Variants in TTC34 observed in about 807,000 individuals in gnomAD.
The protein encoded by TTC34 is tetratricopeptide repeat domain 34, also known as tetratricopeptide repeat protein 34.
A neutral mutation model predicts 40.7 loss-of-function variants in TTC34; 44 were observed. That is an observed-to-expected ratio of 1.08 (90% confidence interval 0.85 to 1.39). The LOEUF is 1.39. Among genes scored for constraint, TTC34 ranks in the 40% most tolerant of loss-of-function variants. The probability of loss-of-function intolerance (pLI) is 0.00; values close to 1 mark genes in which losing one functional copy is unlikely to be tolerated. For synonymous variants in TTC34, 422 were observed against 398.6 expected, an observed-to-expected ratio of 1.06 and a Z score of -0.70; for missense variants, 884 against 838.0, an observed-to-expected ratio of 1.05 and a Z score of -0.68.
At chr1:2,640,964 G>A (rs887040428) in exon 9 of TTC34, 4 of 161,676 alleles carry the variant, frequency 2.5e-5, no homozygotes, top group African/African-American at 1.0e-4. Flanking sequence ...CAAGGCAGAG[G>A]TGTGAGGCTG....
At chr1:2,687,513 G>T (rs1369346993) in intron 6 of TTC34, among the ~76,000 whole-genome samples, 1 of 134,400 alleles carries the variant, frequency 7.4e-6, no homozygotes, top group Admixed American at 7.4e-5. Context: ...ACATCCTTGA[G>T]CAGCACCCAC....
At chr1:2,644,502 G>T in intron 7 of TTC34, 24 bp from the exon 8 acceptor site, 1 of 1,526,724 alleles carries the variant, frequency 6.5e-7, no homozygotes, top group South Asian at 1.2e-5. Context: ...AGGAGGGACA[G>T]TCAGTGTGTG....
intron 6 of TTC34, among the ~76,000 whole-genome samples, chr1:2,747,998 A>AC (rs1641207267): frequency 1.9e-4 from 9 of 46,592 alleles, no homozygotes; most frequent in African/African-American, 4.1e-4. Context: ...CAGCACCCAC[A>AC]CCCCAGGTGA....
intron 6 of TTC34, among the ~76,000 whole-genome samples, chr1:2,681,993 T>C (rs1171198296): frequency 1.1e-4 from 12 of 111,590 alleles, no homozygotes; most frequent in Admixed American, 5.2e-4. Context: ...CACCCCCAGG[T>C]GAGCATCAGA....
At chr1:2,798,272 T>C (rs975986737) in intron 2 of TTC34, among the ~76,000 whole-genome samples, 2 of 37,070 alleles carry the variant, frequency 5.4e-5, no homozygotes, top group African/African-American at 1.0e-4. Context: ...CCCCCCAGCC[T>C]CCCAGCCTCC....
At position 2,776,185 on chromosome 1, in the gene TTC34, G is replaced by T. The variant is rs1413490396; in HGVS notation, c.2226+7424C>A. ...CACAACTGCAGGTGAGCATCTGATA[G>T]CCTGGATAGGCACTCCACACAGCCA... On this transcript the variant is annotated intron_variant, in intron 6 of 8. Coordinates refer to ENST00000401095, the Ensembl canonical transcript of TTC34. The T allele has an allele frequency of 4.9e-5, 6 of 123,410 alleles. No homozygotes were observed. In the East Asian group the frequency reaches 1.4e-3, roughly 30 times the overall value. 7.6% of individuals were successfully genotyped at this position (123,410 alleles called of 1,614,324 possible). A position where few individuals can be genotyped will look rare whatever the true frequency, so the allele number is the denominator to read the frequency against.
chr1:2,646,985 A>G (rs376464322), intron 6 of TTC34, among the ~76,000 whole-genome samples: 3 of 151,952 alleles, frequency 2.0e-5, no homozygotes, highest in African/African-American at 4.8e-5. Context: ...GTGCTGTCCC[A>G]TTGTCTTCTG....
At chr1:2,798,026 AAGCCTCCCAGTCTCTCAGCCTCCC>A (rs886981957) in intron 2 of TTC34, among the ~76,000 whole-genome samples, 3 of 148,594 alleles carry the variant, frequency 2.0e-5, no homozygotes, top group Admixed American at 2.0e-4. Context: ...CCCAGCATCC[AAGCCTCCCAGTCTCTCAGCCTCCC>A]AGCCTCCCAG....
chr1:2,644,997 C>T (rs1638989642), intron 7 of TTC34, among the ~76,000 whole-genome samples: 1 of 152,136 alleles, frequency 6.6e-6, no homozygotes, highest in Non-Finnish European at 1.5e-5. Context: ...ACTGGAGGTG[C>T]ATGGATGAAT....
At chr1:2,695,039 G>GGTGAGCATCTGACA in intron 6 of TTC34, among the ~76,000 whole-genome samples, 1 of 143,998 alleles carries the variant, frequency 6.9e-6, no homozygotes, top group Non-Finnish European at 1.6e-5. Context: ...TGCACCCCCA[G>GGTGAGCATCTGACA]GTGAGCATCT....
chr1:2,651,583 G>C (rs930620514), intron 6 of TTC34, among the ~76,000 whole-genome samples: 6 of 151,562 alleles, frequency 4.0e-5, no homozygotes, highest in African/African-American at 1.5e-4. Context: ...TGAGAGCCTG[G>C]AACAGCACCC....
In TTC34 at chr1:2,781,668, T is replaced by C. The variant is rs149433064; in HGVS notation, c.2226+1941A>G. ...ATGTTTGCTGTGGGTTTTTCATATA[T>C]GGATTTTATATTGAGGCAGTTTCCT... On this transcript the variant is annotated intron_variant, in intron 6 of 8. Coordinates refer to ENST00000401095, the Ensembl canonical transcript of TTC34. Among the ~76,000 whole-genome samples, 1,444 of 152,324 alleles carry C rather than the reference T, an allele frequency of 9.5e-3. 27 individuals carry two copies. The highest frequency in any genetic ancestry group is 0.033 in the African/African-American group (1,364 of 41,578).
chr1:2,686,996 AC>A (rs1640390133), intron 6 of TTC34, among the ~76,000 whole-genome samples: 1 of 145,652 alleles, frequency 6.9e-6, no homozygotes, highest in East Asian at 2.0e-4. Flanking sequence ...CTGGAAAAGC[AC>A]CCACACCCCC....
rs1354052589 is a variant in TTC34, at chr1:2,751,253, G to A, written c.2226+32356C>T. Among the ~76,000 whole-genome samples, 31 of 43,546 alleles carry A rather than the reference G, an allele frequency of 7.1e-4. 8 individuals are homozygous for A. Among genetic ancestry groups the A allele is most frequent in the Non-Finnish European group, 2.8e-4 (6 of 21,792 alleles). The allele number at this position is 43,546 out of a possible 152,430, so 28.6% of individuals were successfully genotyped here. A position where few individuals can be genotyped will look rare whatever the true frequency, so the allele number is the denominator to read the frequency against. On this transcript the variant is annotated intron_variant, in intron 6 of 8. Coordinates refer to ENST00000401095, the Ensembl canonical transcript of TTC34. ...GCCTGGAGCAGCAGGCACACCCCCA[G>A]TGAGCATCCGACAGCCTGGAACAGC...
At chr1:2,688,465 C>G (rs796849424) in intron 6 of TTC34, among the ~76,000 whole-genome samples, 1,872 of 50,278 alleles carry the variant, frequency 0.037, no homozygotes, top group Middle Eastern at 0.083. Flanking sequence ...GGTGAACATC[C>G]GACATTGTGG....
At chr1:2,685,156 C>G (rs1399481393) in intron 6 of TTC34, among the ~76,000 whole-genome samples, 1 of 137,196 alleles carries the variant, frequency 7.3e-6, no homozygotes, top group Non-Finnish European at 1.6e-5. Flanking sequence ...ACAGCACCCA[C>G]AACCCCACGT....
chr1:2,775,257 T>G (rs1195607206), intron 6 of TTC34: 1 of 145,140 alleles, frequency 6.9e-6, no homozygotes, highest in South Asian at 2.2e-4. Flanking sequence ...CTGTATGGAA[T>G]GACATCCTCA....
At chr1:2,755,767 T>C in intron 6 of TTC34, among the ~76,000 whole-genome samples, 1 of 140,500 alleles carries the variant, frequency 7.1e-6, no homozygotes, top group East Asian at 2.1e-4. Context: ...TCTGACAGCC[T>C]GGAACGGCAC....
chr1:2,755,845 C>G (rs1280828136), intron 6 of TTC34, among the ~76,000 whole-genome samples: 2 of 43,730 alleles, frequency 4.6e-5, no homozygotes, highest in African/African-American at 1.6e-4. Context: ...CATCCGACAG[C>G]CTGGAACATC....
Sources: gnomAD v4.1 joint callset for allele counts (sites outside exome capture counted in the v4.1 genomes callset) on GRCh38, gnomAD v4.1.1 for gene constraint, MANE v1.5 for transcripts, NCBI Gene and HGNC (gene_info 2026-07-23, HGNC 2026-07-21) for gene names.